Variants in PALS2 observed in about 807,000 individuals in gnomAD.
PALS2 encodes the protein protein associated with LIN7 2, MAGUK p55 family member.
PALS2 carries 27 observed loss-of-function variants against 61.6 expected under a neutral mutation model. That is an observed-to-expected ratio of 0.44 (90% CI 0.32 to 0.60). PALS2 has a LOEUF of 0.60. Among genes scored for constraint, PALS2 ranks in the 20% least tolerant of loss-of-function variants. The pLI is 0.05. For synonymous variants in PALS2, 236 were observed against 218.6 expected (o/e 1.08, Z -0.70); for missense variants, 554 against 639.4 (o/e 0.87, Z 1.44).
chr7:24,606,928 T>C (rs1302873605), intron 1 of PALS2, among the ~76,000 whole-genome samples: 1 of 152,190 alleles, frequency 6.6e-6, no homozygotes, highest in East Asian at 1.9e-4. Context: ...GTACATAGCA[T>C]GAAAGTACTT....
chr7:24,615,154 C>T (rs1446420188), intron 1 of PALS2, among the ~76,000 whole-genome samples: 1 of 151,718 alleles, frequency 6.6e-6, no homozygotes, highest in Non-Finnish European at 1.5e-5. Flanking sequence ...TAGTAAGATA[C>T]TAGTTTATAG....
chr7:24,632,502 C>T (rs1785042052), intron 2 of PALS2, among the ~76,000 whole-genome samples: 1 of 152,122 alleles, frequency 6.6e-6, no homozygotes, highest in Admixed American at 6.6e-5. Context: ...CTGGTTCAAG[C>T]AATTCTCCTG....
At chr7:24,630,871 T>C (rs1474642324) in intron 2 of PALS2, among the ~76,000 whole-genome samples, 2 of 152,204 alleles carry the variant, frequency 1.3e-5, no homozygotes, top group African/African-American at 4.8e-5. Flanking sequence ...CTGTTGGGAT[T>C]TACTGCTCAG....
chr7:24,686,748 T>A (rs1788225769), intron 11 of PALS2, among the ~76,000 whole-genome samples: 2 of 152,208 alleles, frequency 1.3e-5, no homozygotes, highest in South Asian at 4.1e-4. Flanking sequence ...AGGAACTCAA[T>A]AAATATTTGT....
chr7:24,586,974 C>T (rs1783089048), intron 1 of PALS2, among the ~76,000 whole-genome samples: 2 of 151,114 alleles, frequency 1.3e-5, no homozygotes, highest in African/African-American at 2.4e-5. Flanking sequence ...CCCCGCCCGC[C>T]CTGCCCCCCA....
intron 2 of PALS2, among the ~76,000 whole-genome samples, chr7:24,628,168 C>G (rs1426059057): frequency 6.6e-6 from 1 of 152,170 alleles, no homozygotes; most frequent in African/African-American, 2.4e-5. Flanking sequence ...GCTTATCCAC[C>G]ACGATCAAGT....
At chr7:24,590,353 T>A (rs1468418834) in intron 1 of PALS2, among the ~76,000 whole-genome samples, 2 of 152,144 alleles carry the variant, frequency 1.3e-5, no homozygotes, top group African/African-American at 4.8e-5. Flanking sequence ...GAGGAAATTC[T>A]GTGCAGCCCA....
Position 24,687,463 on chromosome 7 carries a change from A to G in PALS2, c.1472A>G (p.Asp491Gly), listed in dbSNP as rs770861166. 2.5e-6 allele frequency: 4 copies of G among 1,610,846 alleles called. No individual in the cohort carries two copies. Among genetic ancestry groups the G allele is most frequent in the South Asian group, 1.1e-5 (1 of 90,254 alleles). The change falls in exon 12 of 12, where the codon GAT becomes GGT. Residue 491 changes from aspartate to glycine, a missense_variant. Physicochemically the swap from Asp to Gly is moderately conservative, Grantham distance 94. Transcript: ENST00000222644. The surrounding 1 kb of genome is among the most constrained non-coding windows in gnomAD (Gnocchi z 4.5). ...LTDSDLKKTV[D>G]ESARIQRAYN... ...GACTCTGACTTGAAGAAAACAGTGG[A>G]TGAAAGTGCACGGATTCAGAGAGCA... is the stretch of plus-strand genomic sequence containing the variant.
intron 9 of PALS2, among the ~76,000 whole-genome samples, chr7:24,672,191 G>A (rs1272266826): frequency 7.1e-6 from 1 of 141,004 alleles, no homozygotes; most frequent in African/African-American, 2.7e-5. Flanking sequence ...GAGGACTACT[G>A]CCATCTGTTT....
intron 1 of PALS2, among the ~76,000 whole-genome samples, chr7:24,583,595 G>A (rs999715193): frequency 1.3e-5 from 2 of 149,722 alleles, no homozygotes; most frequent in Non-Finnish European, 3.0e-5. Context: ...ATCCTAGGAG[G>A]CATTTTTGAG....
At chr7:24,665,929 A>T in intron 7 of PALS2, 92 bp from the exon 8 acceptor site, 1 of 1,236,620 alleles carries the variant, frequency 8.1e-7, no homozygotes, top group Non-Finnish European at 1.2e-6. Flanking sequence ...CACATTGGGG[A>T]GATAATTCTC....
rs745983473 is a variant in PALS2 at position 24,594,471 on chromosome 7, A to G, written c.-3+20878A>G. Among the ~76,000 whole-genome samples the G allele has an allele frequency of 3.9e-4, 60 of 152,194 alleles. 1 individual carries two copies. The highest frequency in any genetic ancestry group is 6.8e-3 in the Middle Eastern group (2 of 294). On this transcript the variant is annotated intron_variant, in intron 1 of 11. Coordinates refer to ENST00000222644, the MANE Select transcript of PALS2 (RefSeq NM_001303037.2). ...CAACTTCCCTTCCTTATTAAATGTA[A>G]TCATTTCTAGCTTTTGATTTAAAGT...
chr7:24,688,394 A>T lies in PALS2; in HGVS notation c.*780A>T, dbSNP rs1427283147. On this transcript the variant is annotated 3_prime_UTR_variant, in exon 12 of 12. Coordinates refer to ENST00000222644, the MANE Select transcript of PALS2 (RefSeq NM_001303037.2). ...GAAGCAAGGTCATGCAGACTGAGAGAGTGCCTTATCCTGTAAAACCTTACA... is the reference window on the plus strand; with the variant it reads ...GAAGCAAGGTCATGCAGACTGAGAGTGTGCCTTATCCTGTAAAACCTTACA... 6.6e-6 allele frequency: 1 copy of T among 152,232 alleles called. No individual in the cohort carries two copies. Among genetic ancestry groups the T allele is most frequent in the Non-Finnish European group, 1.5e-5 (1 of 68,032 alleles). 9.4% of individuals were successfully genotyped at this position (152,232 alleles called of 1,614,324 possible). A position where few individuals can be genotyped will look rare whatever the true frequency, so the allele number is the denominator to read the frequency against.
intron 3 of PALS2, among the ~76,000 whole-genome samples, chr7:24,642,203 C>G (rs1475807070): frequency 6.6e-6 from 1 of 152,122 alleles, no homozygotes; most frequent in Non-Finnish European, 1.5e-5. Flanking sequence ...CTTCCTCATT[C>G]CCATTCTGTT....
intron 1 of PALS2, among the ~76,000 whole-genome samples, chr7:24,603,420 A>G (rs565196580): frequency 6.6e-6 from 1 of 152,318 alleles, no homozygotes; most frequent in Non-Finnish European, 1.5e-5. Flanking sequence ...GACATTGTGG[A>G]CCAGCAGAAA....
At chr7:24,680,307 A>C (rs1204684318) in intron 10 of PALS2, 85 bp from the exon 11 acceptor site, 1 of 1,375,008 alleles carries the variant, frequency 7.3e-7, no homozygotes, top group Non-Finnish European at 1.0e-6. Flanking sequence ...GAACAAGTGC[A>C]AACAGCCTTT....
At position 24,665,532 on chromosome 7, in the gene PALS2, G is replaced by A. The variant is rs921816646; in HGVS notation, c.784-56G>A. The A allele has an allele frequency of 2.7e-6, 4 of 1,506,344 alleles. No homozygotes were observed. The African/African-American group carries it at 5.5e-5, about 21-fold the overall frequency. 93.3% of individuals were successfully genotyped at this position (1,506,344 alleles called of 1,614,324 possible). The stretch of plus-strand genomic sequence containing the variant: ...TGACCACTGCTTGTCTTACTTAATA[G>A]AATATGGTCTCAAATTTTGGTCACT... On this transcript the variant is annotated intron_variant, in intron 6 of 11. Coordinates refer to ENST00000222644, the MANE Select transcript of PALS2 (RefSeq NM_001303037.2).
intron 2 of PALS2, among the ~76,000 whole-genome samples, chr7:24,633,910 A>G (rs555687289): frequency 2.0e-5 from 3 of 152,152 alleles, no homozygotes; most frequent in African/African-American, 7.2e-5. Context: ...TTTGGTTCTT[A>G]ACTGTCCTAG....
intron 1 of PALS2, among the ~76,000 whole-genome samples, chr7:24,612,597 A>G (rs1396144505): frequency 1.3e-5 from 2 of 151,850 alleles, no homozygotes; most frequent in African/African-American, 4.8e-5. Flanking sequence ...ATGTCTCAGC[A>G]TAATTTTAAT....
Sources: allele counts gnomAD v4.1 joint callset (sites outside exome capture counted in the v4.1 genomes callset), GRCh38; gene constraint gnomAD v4.1.1; non-coding constraint Gnocchi (gnomAD v3.1); transcripts MANE v1.5; gene names NCBI Gene and HGNC (gene_info 2026-07-23, HGNC 2026-07-21).